UTY: variants seen among roughly 807,000 people sequenced by gnomAD.
The protein encoded by UTY is histone demethylase UTY.
Under a neutral mutation model 32.5 loss-of-function variants are expected in UTY, and 12 were observed. That is an observed-to-expected ratio of 0.37 (90% confidence interval 0.24 to 0.60). UTY has a LOEUF of 0.60. UTY is among the 20% of genes least tolerant of loss of function. The pLI is 0.69. For synonymous variants in UTY, 131 were observed against 103.4 expected, an observed-to-expected ratio of 1.27 and a Z score of -1.62; for missense variants, 303 against 299.2, an observed-to-expected ratio of 1.01 and a Z score of -0.09.
At chrY:13,323,815 A>C in intron 20 of UTY, 55 bp from the exon 21 acceptor site, 1 of 287,231 alleles carries the variant, frequency 3.5e-6, no homozygotes, top group Non-Finnish European at 5.2e-6. Context: ...TTCAATTAAA[A>C]TGTCAAAGTA....
chrY:13,422,736 G>T, intron 4 of UTY, among the ~76,000 whole-genome samples: 1 of 33,745 alleles, frequency 3.0e-5, no homozygotes, highest in Non-Finnish European at 7.4e-5. Flanking sequence ...ATCTGTGAGT[G>T]TAAGGAAACC....
chrY:13,407,087 C>G (rs947650821), intron 6 of UTY, among the ~76,000 whole-genome samples: 3 of 32,037 alleles, frequency 9.4e-5, no homozygotes, highest in Non-Finnish European at 1.5e-4. Context: ...CTTCAAGAAA[C>G]AGTTTTAACA....
Position 13,251,025 on chromosome Y carries a change from A to G in UTY, c.4300T>C (p.Phe1434Leu), listed in dbSNP as rs778908557. 1 of 398,374 alleles carries G rather than the reference A, an allele frequency of 2.5e-6. No individual in the cohort carries two copies. The highest frequency in any genetic ancestry group is 3.0e-5 in the South Asian group (1 of 33,724). ...ACGTGTTAATGACTTACTAGTGTAA[A>G]TTGATCATAAACTTGGATTAGGTCC... The part of the protein sequence containing the change: ...MEDLIQVYDQ[F>L]TLALSLSSSS The change falls in exon 29 of 30, where the codon TTT becomes CTT. Residue 1434 changes from phenylalanine (F) to leucine (L), a missense_variant. Phe to Leu is a conservative substitution (Grantham distance 22, BLOSUM62 0). Coordinates refer to ENST00000545955, the MANE Select transcript of UTY (RefSeq NM_001258249.2).
intron 8 of UTY, 132 bp downstream of exon 8, chrY:13,393,727 A>G: frequency 7.7e-6 from 1 of 130,142 alleles, no homozygotes; most frequent in East Asian, 1.4e-4. Context: ...AATACATGCA[A>G]GAGTATAATA....
intron 21 of UTY, among the ~76,000 whole-genome samples, chrY:13,311,463 C>T (rs2059080926): frequency 6.6e-5 from 2 of 30,243 alleles, no homozygotes; most frequent in African/African-American, 1.3e-4. Flanking sequence ...GGCGTGGTAG[C>T]GGGCGCCTGT....
chrY:13,389,121 T>C (rs2067239406), intron 8 of UTY, among the ~76,000 whole-genome samples: 4 of 32,887 alleles, frequency 1.2e-4, no homozygotes, highest in African/African-American at 4.8e-4. Context: ...CATATACCTG[T>C]TGACCATTAC....
At chrY:13,423,243 T>C (rs2072832772) in intron 4 of UTY, among the ~76,000 whole-genome samples, 1 of 33,320 alleles carries the variant, frequency 3.0e-5, no homozygotes, top group Non-Finnish European at 7.4e-5. Flanking sequence ...TGAAAACTTA[T>C]CCACAACACT....
At chrY:13,259,708 A>C in intron 28 of UTY, among the ~76,000 whole-genome samples, 1 of 34,271 alleles carries the variant, frequency 2.9e-5, no homozygotes, top group Non-Finnish European at 7.3e-5. Context: ...TTGCAAGGAG[A>C]AAAACAGCAG....
At chrY:13,277,959 C>G in intron 27 of UTY, among the ~76,000 whole-genome samples, 1 of 33,078 alleles carries the variant, frequency 3.0e-5, no homozygotes, top group Admixed American at 2.7e-4. Flanking sequence ...GCACTGCTTG[C>G]AGCTCTTGGA....
intron 21 of UTY, among the ~76,000 whole-genome samples, chrY:13,310,358 A>T (rs930759790): frequency 1.8e-4 from 6 of 33,283 alleles, no homozygotes; most frequent in Non-Finnish European, 2.9e-4. Flanking sequence ...TATTAGTAAG[A>T]TGAATTCAGA....
chrY:13,274,577 C>T (rs2148552155), intron 27 of UTY, among the ~76,000 whole-genome samples: 2 of 31,584 alleles, frequency 6.3e-5, no homozygotes, highest in East Asian at 1.6e-3. Context: ...GTTGGGAGTT[C>T]GAGACCAGCC....
chrY:13,304,091 G>T (rs2058530088), intron 24 of UTY: 1 of 111,355 alleles, frequency 9.0e-6, no homozygotes, highest in Non-Finnish European at 1.9e-5. Flanking sequence ...CACTGTTATT[G>T]ACCACTTACT....
chrY:13,393,122 A>G (rs2067750003), intron 8 of UTY: 2 of 33,454 alleles, frequency 6.0e-5, no homozygotes, highest in African/African-American at 2.3e-4. Flanking sequence ...TTAAGACATG[A>G]GCCACCATGC....
chrY:13,323,385 G>A (rs2059954795), intron 21 of UTY, 170 bp downstream of exon 21: 1 of 120,828 alleles, frequency 8.3e-6, no homozygotes, highest in African/African-American at 9.5e-5. Flanking sequence ...GAGAGAGAAT[G>A]AGACTCTGTC....
chrY:13,381,819 G>A (rs758461693), intron 8 of UTY, among the ~76,000 whole-genome samples: 250 of 32,918 alleles, frequency 7.6e-3, no homozygotes, highest in African/African-American at 0.029. Context: ...TTAGTGCCGT[G>A]GAATACCTGT....
intron 25 of UTY, among the ~76,000 whole-genome samples, 198 bp downstream of exon 25, chrY:13,302,677 TAA>T (rs2058439784): frequency 5.9e-5 from 2 of 34,028 alleles, no homozygotes; most frequent in African/African-American, 1.1e-4. Context: ...ATTGCAGGCA[TAA>T]GACACTGTGC....
At chrY:13,323,168 A>G (rs2059929819) in intron 21 of UTY, 1 of 110,596 alleles carries the variant, frequency 9.0e-6, no homozygotes, top group South Asian at 1.6e-4. Flanking sequence ...ATGCTGAGGC[A>G]AGCAGACCAC....
chrY:13,441,207 A>T, intron 4 of UTY, among the ~76,000 whole-genome samples: 3 of 32,582 alleles, frequency 9.2e-5, no homozygotes, highest in African/African-American at 3.6e-4. Flanking sequence ...TTTATTTTAT[A>T]TTATCAAAAA....
Position 13,470,175 on chromosome Y carries a change from C to T in UTY, c.271G>A (p.Asp91Asn). 2.5e-6 allele frequency: 1 copy of T among 396,373 alleles called. No homozygotes were observed. Among genetic ancestry groups the T allele is most frequent in the Non-Finnish European group, 3.5e-6 (1 of 282,653 alleles). ...ILKAEGKVESDFFCQLGHFNL... is the reference protein window; with the variant it reads ...ILKAEGKVESNFFCQLGHFNL... ...AAGTGACCTAATTGGCAAAAGAAGT[C>T]AGACTCCACTTTTCCTTCAGCTTTT... The change falls in exon 3 of 30, where the codon GAC becomes AAC. Residue 91 changes from aspartate to asparagine, a missense_variant. Coordinates refer to ENST00000545955, the MANE Select transcript of UTY (RefSeq NM_001258249.2).
Sources: allele counts gnomAD v4.1 joint callset (sites outside exome capture counted in the v4.1 genomes callset), GRCh38; gene constraint gnomAD v4.1.1; transcripts MANE v1.5; gene names NCBI Gene and HGNC (gene_info 2026-07-23, HGNC 2026-07-21).